Variants in NIPA2 observed in about 807,000 individuals in gnomAD.
NIPA2 encodes NIPA magnesium transporter 2.
In NIPA2, 11 loss-of-function variants were observed where a neutral mutation model predicts 29.7. The observed-to-expected ratio is 0.37, with a 90% CI of 0.23 to 0.61. The LOEUF is 0.61. NIPA2 is among the 20% of genes least tolerant of loss of function. The probability of loss-of-function intolerance (pLI) is 0.66; values close to 1 mark genes in which losing one functional copy is unlikely to be tolerated. For synonymous variants in NIPA2, 183 were observed against 161.9 expected (o/e 1.13, Z -0.99); for missense variants, 426 against 437.9 (o/e 0.97, Z 0.24).
intron 5 of NIPA2, 99 bp from the exon 6 acceptor site, chr15:22,858,441 C>T: frequency 3.3e-6 from 2 of 609,704 alleles, no homozygotes; most frequent in South Asian, 2.2e-5. Context: ...TTACTAAATA[C>T]AGTTGAAATA....
At position 22,838,936 on chromosome 15, in the gene NIPA2, C is replaced by T. The variant is rs1029975317; in HGVS notation, c.-352+15C>T. On this transcript the variant is annotated intron_variant, in intron 1 of 7. Transcript: ENST00000337451. ...GGCCGACTAGGGTGAGGTCGCCACT[C>T]CTTCCTTTCAGGCAAGCGCGAAGGG... is the stretch of plus-strand genomic sequence containing the variant. 3 of 152,348 alleles carry T rather than the reference C, an allele frequency of 2.0e-5. No homozygotes were observed. The highest frequency in any genetic ancestry group is 6.8e-3 in the Middle Eastern group (2 of 294). 9.4% of individuals were successfully genotyped at this position (152,348 alleles called of 1,614,324 possible).
At position 22,867,844 on chromosome 15, in the gene NIPA2, A is replaced by G. The variant is rs1209817635; in HGVS notation, c.*997A>G. On this transcript the variant is annotated 3_prime_UTR_variant, in exon 8 of 8. Transcript: ENST00000337451. ...GCCACTACATATTTTGGTTTCTAGA[A>G]AATGTTTGTTTATGAAGAAGTCGAT... is the stretch of plus-strand genomic sequence containing the variant. 1 of 125,836 alleles carries G rather than the reference A, an allele frequency of 7.9e-6. No homozygotes were observed. The highest frequency in any genetic ancestry group is 1.8e-5 in the Non-Finnish European group (1 of 55,486). 7.8% of individuals were successfully genotyped at this position (125,836 alleles called of 1,614,324 possible). A position where few individuals can be genotyped will look rare whatever the true frequency, so the allele number is the denominator to read the frequency against.
In NIPA2 at chr15:22,860,650, T is replaced by G; in HGVS notation, c.309T>G (p.Phe103Leu). The G allele has an allele frequency of 6.3e-7, 1 of 1,576,894 alleles. No homozygotes were observed. Among genetic ancestry groups the G allele is most frequent in the South Asian group, 1.2e-5 (1 of 82,798 alleles). ...VLVSAILSSY[F>L]LNERLNLHGK... ...TTAGTGCCATTCTTTCTTCATACTT[T>G]CTCAATGAAAGACTTAATCTTCATG... Residue 103 changes from phenylalanine to leucine, a missense_variant, in exon 7 of 8, where the codon TTT (phenylalanine) becomes TTG (leucine). Phe to Leu is a conservative substitution (Grantham distance 22). Coordinates refer to ENST00000337451, the MANE Select transcript of NIPA2 (RefSeq NM_030922.7).
chr15:22,851,675 G>T lies in NIPA2; in HGVS notation c.-57G>T. ...GCTTCATTCTGCCTCTAGTACCAGCGGTTTCTCTGTTCTGTGATCAATGTG... is the reference window on the plus strand; with the variant it reads ...GCTTCATTCTGCCTCTAGTACCAGCTGTTTCTCTGTTCTGTGATCAATGTG... On this transcript the variant is annotated 5_prime_UTR_variant, in exon 4 of 8. Coordinates refer to ENST00000337451, the MANE Select transcript of NIPA2 (RefSeq NM_030922.7). The T allele has an allele frequency of 6.8e-7, 1 of 1,463,482 alleles. No individual in the cohort carries two copies. The highest frequency in any genetic ancestry group is 9.3e-7 in the Non-Finnish European group (1 of 1,076,258). The allele number at this position is 1,463,482 out of a possible 1,614,324, so 90.7% of individuals were successfully genotyped here. A position where few individuals can be genotyped will look rare whatever the true frequency, so the allele number is the denominator to read the frequency against.
chr15:22,857,981 A>G (rs1318128516), intron 5 of NIPA2, among the ~76,000 whole-genome samples: 1 of 151,972 alleles, frequency 6.6e-6, no homozygotes, highest in Non-Finnish European at 1.5e-5. Flanking sequence ...AAAATGCCTT[A>G]TGTCAGCATG....
rs1418502220 is a variant in NIPA2 at position 22,858,894 on chromosome 15, T to C, written c.287+264T>C. On this transcript the variant is annotated intron_variant, in intron 6 of 7. Coordinates refer to ENST00000337451, the MANE Select transcript of NIPA2 (RefSeq NM_030922.7). ...GATTTCAGTTTTTTAATATTCAAAGTTGGCTGGGAACAGTGGCTCATGCCT... is the reference window on the plus strand; with the variant it reads ...GATTTCAGTTTTTTAATATTCAAAGCTGGCTGGGAACAGTGGCTCATGCCT... Among the ~76,000 whole-genome samples, 5 of 152,156 alleles carry C rather than the reference T, an allele frequency of 3.3e-5. No individual in the cohort carries two copies. In the East Asian group the frequency reaches 9.6e-4, roughly 29 times the overall value.
chr15:22,866,262 C>T lies in NIPA2; in HGVS notation c.498C>T (p.Ile166=). Residue 166 remains isoleucine (I), a synonymous_variant, in exon 8 of 8, where the codon ATC becomes ATT. Coordinates refer to ENST00000337451, the MANE Select transcript of NIPA2 (RefSeq NM_030922.7). ...TGGTCATTGTGGCCTTGATATTAAT[C>T]TTCGTGGTGGGTCCTCGCCATGGAC... The part of the protein sequence containing the change: ...TLVVIVALIL[I]FVVGPRHGQT... The T allele has an allele frequency of 1.9e-6, 3 of 1,613,852 alleles. No individual in the cohort carries two copies. Among genetic ancestry groups the T allele is most frequent in the African/African-American group, 2.7e-5 (2 of 74,986 alleles).
chr15:22,866,130 A>T, intron 7 of NIPA2, 83 bp from the exon 8 acceptor site: 1 of 1,126,880 alleles, frequency 8.9e-7, no homozygotes, highest in East Asian at 2.4e-5. Flanking sequence ...TCTCCCTATC[A>T]AGTTTATTAT....
chr15:22,849,647 C>T (rs8027203), intron 3 of NIPA2, among the ~76,000 whole-genome samples: 65,762 of 151,550 alleles, frequency 0.43, 16,448 homozygotes, highest in Non-Finnish European at 0.56. Flanking sequence ...GCAAGCTCCC[C>T]GTCCCAGGTT....
intron 7 of NIPA2, among the ~76,000 whole-genome samples, chr15:22,861,109 T>C (rs1422349197): frequency 1.3e-5 from 2 of 152,250 alleles, no homozygotes; most frequent in African/African-American, 2.4e-5. Flanking sequence ...TAACTTTTAT[T>C]GTCATCTTAG....
chr15:22,861,589 A>G (rs2058624877), intron 7 of NIPA2, among the ~76,000 whole-genome samples: 1 of 152,144 alleles, frequency 6.6e-6, no homozygotes, highest in Admixed American at 6.5e-5. Context: ...GTTGCTGTTG[A>G]GAAATTGAAC....
Position 22,860,761 on chromosome 15 carries a change from T to C in NIPA2, c.420T>C (p.Asn140=). Residue 140 remains asparagine (N), a synonymous_variant, in exon 7 of 8, where the codon AAT becomes AAC. Coordinates refer to ENST00000337451, the MANE Select transcript of NIPA2 (RefSeq NM_030922.7). ...APKEEEIETL[N]EMSHKLGDPG... The stretch of plus-strand genomic sequence containing the variant: ...AGGAAGAGGAGATTGAGACTTTAAA[T>C]GAAATGTCTCACAAGCTAGGTGATC... 6.3e-7 allele frequency: 1 copy of C among 1,599,902 alleles called. No individual in the cohort carries two copies. Among genetic ancestry groups the C allele is most frequent in the Non-Finnish European group, 8.5e-7 (1 of 1,176,138 alleles).
chr15:22,846,132 T>C (rs901830325), intron 3 of NIPA2, among the ~76,000 whole-genome samples: 1 of 152,180 alleles, frequency 6.6e-6, no homozygotes, highest in Non-Finnish European at 1.5e-5. Context: ...TCGCTTAGGA[T>C]AGAACGGAGA....
At chr15:22,840,009 C>T (rs1463572179) in intron 2 of NIPA2, among the ~76,000 whole-genome samples, 1 of 152,132 alleles carries the variant, frequency 6.6e-6, no homozygotes, top group Non-Finnish European at 1.5e-5. Context: ...CAACTTCCGC[C>T]TCCCGGGCTC....
In NIPA2 at chr15:22,867,994, A is replaced by AAT. The variant is rs2059251113; in HGVS notation, c.*1148_*1149dup. ...TTTAAAAAAAAGTATTGGCAGAATTAATTTCCACCTAGGTGATGGGAAGAA... is the reference window on the plus strand; with the variant it reads ...TTTAAAAAAAAGTATTGGCAGAATTAATATTTCCACCTAGGTGATGGGAAGAA... On this transcript the variant is annotated 3_prime_UTR_variant, in exon 8 of 8. Transcript: ENST00000337451. 1 of 152,230 alleles carries AAT rather than the reference A, an allele frequency of 6.6e-6. No individual in the cohort carries two copies. Among genetic ancestry groups the AAT allele is most frequent in the Admixed American group, 6.5e-5 (1 of 15,292 alleles). 9.4% of individuals were successfully genotyped at this position (152,230 alleles called of 1,614,324 possible). A position where few individuals can be genotyped will look rare whatever the true frequency, so the allele number is the denominator to read the frequency against.
chr15:22,841,719 G>A (rs561097320), intron 2 of NIPA2, among the ~76,000 whole-genome samples: 1 of 152,260 alleles, frequency 6.6e-6, no homozygotes, highest in African/African-American at 2.4e-5. Context: ...ATGTTGGTCA[G>A]GCTGGTCTCG....
chr15:22,864,089 A>G (rs2058800911), intron 7 of NIPA2, among the ~76,000 whole-genome samples: 1 of 151,900 alleles, frequency 6.6e-6, no homozygotes, highest in Non-Finnish European at 1.5e-5. Flanking sequence ...TCCTCTGTCT[A>G]CATGGGAGAA....
intron 2 of NIPA2, among the ~76,000 whole-genome samples, chr15:22,843,417 A>G (rs1897679385): frequency 6.6e-6 from 1 of 150,788 alleles, no homozygotes; most frequent in Non-Finnish European, 1.5e-5. Flanking sequence ...GAGACAGGAG[A>G]ATGGCGTGAA....
In NIPA2 at chr15:22,840,337, A is replaced by G. The variant is rs1007824307; in HGVS notation, c.-216+547A>G. ...TTTTGAGATGGAATCTTGCTCTGTC[A>G]CTCGGGCTGGAGTGCAGTGGCACGA... On this transcript the variant is annotated intron_variant, in intron 2 of 7. Transcript: ENST00000337451. Among the ~76,000 whole-genome samples the G allele has an allele frequency of 1.1e-4, 15 of 138,010 alleles. No homozygotes were observed. The Admixed American group carries it at 1.1e-3, about 11-fold the overall frequency. The allele number at this position is 138,010 out of a possible 152,430, so 90.5% of individuals were successfully genotyped here.
Sources: allele counts gnomAD v4.1 joint callset (sites outside exome capture counted in the v4.1 genomes callset), GRCh38; gene constraint gnomAD v4.1.1; transcripts MANE v1.5; gene names NCBI Gene and HGNC (gene_info 2026-07-23, HGNC 2026-07-21).